The following SLCO1A2 variants were observed in gnomAD, a reference collection of about 807,000 sequenced individuals.
The protein encoded by SLCO1A2 is OATP-1.
SLCO1A2 carries 67 observed loss-of-function variants against 69.0 expected under a neutral mutation model. That is an observed-to-expected ratio of 0.97 (90% CI 0.80 to 1.19). The LOEUF is 1.19. Among genes scored for constraint, SLCO1A2 ranks in the 50% most tolerant of loss-of-function variants. The probability of loss-of-function intolerance (pLI) is 0.00; values close to 1 mark genes in which losing one functional copy is unlikely to be tolerated. For synonymous variants in SLCO1A2, 260 were observed against 265.9 expected (o/e 0.98, Z 0.22); for missense variants, 787 against 793.7 (o/e 0.99, Z 0.10).
At chr12:21,358,176 T>A (rs1938524089) in intron 2 of SLCO1A2, among the ~76,000 whole-genome samples, 1 of 152,210 alleles carries the variant, frequency 6.6e-6, no homozygotes, top group Non-Finnish European at 1.5e-5. Flanking sequence ...GAAAGAATAA[T>A]TTTTTAAAAG....
intron 2 of SLCO1A2, among the ~76,000 whole-genome samples, chr12:21,325,392 T>A (rs1362764775): frequency 1.3e-5 from 2 of 152,238 alleles, no homozygotes; most frequent in African/African-American, 4.8e-5. Flanking sequence ...TACATTTTTA[T>A]GTTCTGGTTT....
intron 2 of SLCO1A2, among the ~76,000 whole-genome samples, chr12:21,366,927 A>G (rs1939432895): frequency 6.6e-6 from 1 of 152,058 alleles, no homozygotes; most frequent in African/African-American, 2.4e-5. Context: ...AATGGAGAGG[A>G]GACAAATATC....
chr12:21,367,797 T>C (rs1939501500), intron 2 of SLCO1A2, among the ~76,000 whole-genome samples: 1 of 151,902 alleles, frequency 6.6e-6, no homozygotes, highest in Non-Finnish European at 1.5e-5. Flanking sequence ...CAACATGGGA[T>C]AATTTTAATA....
chr12:21,295,360 C>T, intron 10 of SLCO1A2: 1 of 416,798 alleles, frequency 2.4e-6, no homozygotes, highest in Non-Finnish European at 4.3e-6. Flanking sequence ...GCACACACAC[C>T]CACATGCACA....
At chr12:21,361,957 T>C (rs922556966) in intron 2 of SLCO1A2, among the ~76,000 whole-genome samples, 2 of 152,118 alleles carry the variant, frequency 1.3e-5, no homozygotes, top group African/African-American at 4.8e-5. Flanking sequence ...TGGAACCAAG[T>C]TGGAAAACAC....
chr12:21,411,244 T>C (rs1429944447), intron 1 of SLCO1A2, among the ~76,000 whole-genome samples: 1 of 152,252 alleles, frequency 6.6e-6, no homozygotes, highest in African/African-American at 2.4e-5. Context: ...TTTTAAAAGA[T>C]GTTTGGAAAT....
At chr12:21,292,610 T>A (rs982289595) in intron 11 of SLCO1A2, among the ~76,000 whole-genome samples, 14 of 152,272 alleles carry the variant, frequency 9.2e-5, no homozygotes, top group Middle Eastern at 3.4e-3. Flanking sequence ...TTATTTATTT[T>A]TTTGAAACAG....
upstream of SLCO1A2, among the ~76,000 whole-genome samples, chr12:21,397,139 A>G (rs561921187): frequency 1.9e-4 from 29 of 152,260 alleles, no homozygotes; most frequent in South Asian, 4.8e-3. Flanking sequence ...TCTCACGTGC[A>G]GAGACACACA....
intron 1 of SLCO1A2, among the ~76,000 whole-genome samples, chr12:21,388,331 T>G (rs995198148): frequency 6.6e-6 from 1 of 151,998 alleles, no homozygotes; most frequent in Non-Finnish European, 1.5e-5. Flanking sequence ...CACCCAAATC[T>G]CATTTTGAAT....
chr12:21,341,575 T>C (rs1036756206), intron 2 of SLCO1A2, among the ~76,000 whole-genome samples: 3 of 152,050 alleles, frequency 2.0e-5, no homozygotes, highest in African/African-American at 7.2e-5. Flanking sequence ...CAGTCTCCAA[T>C]TTTTCTGCCT....
intron 5 of SLCO1A2, among the ~76,000 whole-genome samples, chr12:21,305,737 T>G (rs1949286936): frequency 6.6e-6 from 1 of 152,250 alleles, no homozygotes; most frequent in Admixed American, 6.5e-5. Flanking sequence ...TGTTTTCCTT[T>G]GTTTCCCCCA....
chr12:21,304,643 T>C, intron 5 of SLCO1A2, 70 bp from the exon 6 acceptor site: 1 of 1,390,344 alleles, frequency 7.2e-7, no homozygotes, highest in Non-Finnish European at 9.9e-7. Flanking sequence ...AATTCTATGT[T>C]TTCTGTAGGC....
At chr12:21,373,566 A>G (rs1939959643) in intron 2 of SLCO1A2, 1 of 719,252 alleles carries the variant, frequency 1.4e-6, no homozygotes, top group Non-Finnish European at 2.5e-6. Flanking sequence ...CAGCTATTCC[A>G]TTGTTCCTTG....
chr12:21,363,624 G>T (rs1038446342), intron 2 of SLCO1A2, among the ~76,000 whole-genome samples: 6 of 152,104 alleles, frequency 3.9e-5, no homozygotes, highest in African/African-American at 1.4e-4. Flanking sequence ...TTTTGGAAAA[G>T]ATGAACAAAA....
rs534925406 is a variant in SLCO1A2, at chr12:21,275,164, G to C, written c.1675+196C>G. The C allele has an allele frequency of 1.0e-4, 79 of 790,320 alleles. No individual in the cohort carries two copies. In the East Asian group the frequency reaches 2.0e-3, roughly 20 times the overall value. 49.0% of individuals were successfully genotyped at this position (790,320 alleles called of 1,614,324 possible). ...AGGGCCTGTTGTGGGGTGGGGGAAGGGGGGAGGGATAGCATTAGGAGATTC... is the reference window on the plus strand; with the variant it reads ...AGGGCCTGTTGTGGGGTGGGGGAAGCGGGGAGGGATAGCATTAGGAGATTC... On this transcript the variant is annotated intron_variant, in intron 13 of 14. Transcript: ENST00000683939.
chr12:21,375,363 A>T (rs1283799708), intron 1 of SLCO1A2, among the ~76,000 whole-genome samples: 2 of 152,202 alleles, frequency 1.3e-5, no homozygotes, highest in African/African-American at 4.8e-5. Context: ...TAAATCATGT[A>T]CTATTCTACA....
At chr12:21,341,840 C>T (rs1953079083) in intron 2 of SLCO1A2, among the ~76,000 whole-genome samples, 2 of 151,826 alleles carry the variant, frequency 1.3e-5, no homozygotes. Flanking sequence ...GGTTCAAGGT[C>T]GGGATAGTGT....
chr12:21,368,282 G>T (rs185318843), intron 2 of SLCO1A2, among the ~76,000 whole-genome samples: 1 of 152,016 alleles, frequency 6.6e-6, no homozygotes, highest in African/African-American at 2.4e-5. Flanking sequence ...AGAAAGGAAC[G>T]TGTTAAATGA....
At chr12:21,288,205 G>T (rs1025847984) in intron 12 of SLCO1A2, among the ~76,000 whole-genome samples, 17 of 151,416 alleles carry the variant, frequency 1.1e-4, no homozygotes, top group African/African-American at 4.2e-4. Context: ...ACTTTGGGAG[G>T]CCAAAGCAGA....
Sources: gnomAD v4.1 joint callset for allele counts (sites outside exome capture counted in the v4.1 genomes callset) on GRCh38, gnomAD v4.1.1 for gene constraint, MANE v1.5 for transcripts, NCBI Gene and HGNC (gene_info 2026-07-23, HGNC 2026-07-21) for gene names.